FBXO15: variants seen among roughly 807,000 people sequenced by gnomAD.
FBXO15 encodes F-box only protein 15.
A neutral mutation model predicts 49.5 loss-of-function variants in FBXO15; 30 were observed. The ratio of observed to expected loss-of-function variants is 0.61; its 90% CI spans 0.45 to 0.82. The LOEUF (loss-of-function observed/expected upper bound fraction) is 0.82, where lower values mean the gene tolerates loss of function less well. FBXO15 is among the 40% of genes least tolerant of loss of function. The pLI, the probability that FBXO15 is intolerant of heterozygous loss-of-function variation, is 0.00. For synonymous variants in FBXO15, 250 were observed against 232.7 expected (o/e 1.07, Z -0.68); for missense variants, 591 against 631.5 (o/e 0.94, Z 0.69).
intron 2 of FBXO15, among the ~76,000 whole-genome samples, chr18:74,139,808 A>C (rs1334107634): frequency 6.6e-6 from 1 of 152,232 alleles, no homozygotes; most frequent in Non-Finnish European, 1.5e-5. Context: ...CACAGCACAG[A>C]ATCTTGCCAT....
chr18:74,146,370 A>T (rs1257467890), intron 1 of FBXO15, among the ~76,000 whole-genome samples: 1 of 152,212 alleles, frequency 6.6e-6, no homozygotes, highest in African/African-American at 2.4e-5. Flanking sequence ...TACATTTCCA[A>T]ATCAGCTTGA....
At chr18:74,106,252 A>C (rs1913759443) in intron 8 of FBXO15, among the ~76,000 whole-genome samples, 1 of 152,148 alleles carries the variant, frequency 6.6e-6, no homozygotes, top group Non-Finnish European at 1.5e-5. Flanking sequence ...TTTATTCAAG[A>C]GTAGAACTTA....
intron 5 of FBXO15, among the ~76,000 whole-genome samples, chr18:74,128,908 A>C (rs1213425820): frequency 6.6e-6 from 1 of 152,226 alleles, no homozygotes; most frequent in African/African-American, 2.4e-5. Flanking sequence ...ATACTATGCC[A>C]GTATAACGAT....
rs375081838 is a variant in FBXO15 at position 74,129,634 on chromosome 18, C to A, written c.576-20G>T. On this transcript the variant is annotated intron_variant, in intron 4 of 9. Transcript: ENST00000419743. ...AATATTCTGGAGAAAGAAAAAAAAA[C>A]TAACAATGTTTGCCTCATTGAAAAA... The A allele has an allele frequency of 1.3e-6, 2 of 1,562,196 alleles. No homozygotes were observed. Among genetic ancestry groups the A allele is most frequent in the Non-Finnish European group, 1.7e-6 (2 of 1,145,986 alleles).
intron 8 of FBXO15, among the ~76,000 whole-genome samples, chr18:74,110,164 C>CAT (rs61486308): frequency 0.25 from 32,470 of 129,346 alleles, 4,025 homozygotes; most frequent in Middle Eastern, 0.41. Context: ...CATATGTGTG[C>CAT]ATATATATAT....
At chr18:74,147,514 G>C (rs971954869) in intron 1 of FBXO15, 156 bp downstream of exon 1, 1 of 1,255,084 alleles carries the variant, frequency 8.0e-7, no homozygotes, top group Non-Finnish European at 1.0e-6. Flanking sequence ...AGGGTAGAAA[G>C]GATTTCCTCC....
intron 8 of FBXO15, among the ~76,000 whole-genome samples, chr18:74,106,856 A>G (rs1913790434): frequency 6.6e-6 from 1 of 152,194 alleles, no homozygotes; most frequent in Non-Finnish European, 1.5e-5. Context: ...CAACATTAGG[A>G]GAATGGGTCA....
At position 74,147,813 on chromosome 18, in the gene FBXO15, C is replaced by A; in HGVS notation, c.-28G>T. 6.7e-7 allele frequency: 1 copy of A among 1,492,134 alleles called. No homozygotes were observed. The highest frequency in any genetic ancestry group is 1.3e-5 in the South Asian group (1 of 79,048). The allele number at this position is 1,492,134 out of a possible 1,614,324, so 92.4% of individuals were successfully genotyped here. ...AGACAAGGAGTTCACCACAGGACCG[C>A]GCCAGGGCTGAAACGAAGAGTGCAC... On this transcript the variant is annotated 5_prime_UTR_variant, in exon 1 of 10. Coordinates refer to ENST00000419743, the MANE Select transcript of FBXO15 (RefSeq NM_001142958.2).
At chr18:74,106,539 G>A (rs1465835182) in intron 8 of FBXO15, among the ~76,000 whole-genome samples, 1 of 152,072 alleles carries the variant, frequency 6.6e-6, no homozygotes, top group East Asian at 1.9e-4. Flanking sequence ...CATAAGGTAG[G>A]TACTAATGTT....
At chr18:74,091,302 G>A (rs758499490) in intron 8 of FBXO15, among the ~76,000 whole-genome samples, 4 of 152,126 alleles carry the variant, frequency 2.6e-5, no homozygotes, top group Non-Finnish European at 4.4e-5. Context: ...ATGTGAGATG[G>A]GTGTCCCGAA....
At chr18:74,123,218 G>T (rs1283267247) in intron 8 of FBXO15, 150 bp downstream of exon 8, 16 of 801,926 alleles carry the variant, frequency 2.0e-5, no homozygotes, top group Non-Finnish European at 2.4e-5. Context: ...ACTTTCACAA[G>T]CCCTGGGATG....
chr18:74,087,316 A>G (rs12456306), intron 8 of FBXO15, among the ~76,000 whole-genome samples: 16,550 of 152,162 alleles, frequency 0.11, 1,154 homozygotes, highest in East Asian at 0.16. Context: ...AGGGGTTTGT[A>G]GAGATTATTT....
intron 6 of FBXO15, 96 bp downstream of exon 6, chr18:74,125,879 T>G: frequency 1.3e-6 from 2 of 1,507,576 alleles, no homozygotes; most frequent in Admixed American, 3.8e-5. Flanking sequence ...AGTGAAAAGC[T>G]TAAAGGATTT....
intron 7 of FBXO15, 76 bp downstream of exon 7, chr18:74,124,413 T>G (rs964237239): frequency 1.7e-6 from 2 of 1,188,440 alleles, no homozygotes; most frequent in Non-Finnish European, 2.5e-6. Flanking sequence ...ATTCTCAGGA[T>G]ATTAAGATGG....
chr18:74,138,170 C>T (rs1209016737), intron 2 of FBXO15, among the ~76,000 whole-genome samples: 3 of 152,112 alleles, frequency 2.0e-5, no homozygotes, highest in African/African-American at 7.2e-5. Flanking sequence ...TTTCTAGGCT[C>T]CCTCGCACTG....
intron 8 of FBXO15, among the ~76,000 whole-genome samples, chr18:74,104,137 GGTAATTAAAGTAT>G: frequency 6.6e-6 from 1 of 151,890 alleles, no homozygotes; most frequent in East Asian, 1.9e-4. Flanking sequence ...GGTGAGGAGT[GGTAATTAAAGTAT>G]GTAATTTTTT....
intron 7 of FBXO15, among the ~76,000 whole-genome samples, chr18:74,123,743 C>A (rs572397870): frequency 6.6e-6 from 1 of 152,168 alleles, no homozygotes; most frequent in East Asian, 1.9e-4. Context: ...AGGCAGCCAC[C>A]GCCCAGCACG....
At chr18:74,108,956 A>G (rs1175062212) in intron 8 of FBXO15, among the ~76,000 whole-genome samples, 2 of 152,164 alleles carry the variant, frequency 1.3e-5, no homozygotes, top group Non-Finnish European at 2.9e-5. Flanking sequence ...AGAATTCTCT[A>G]CCCTGCAAAA....
At chr18:74,120,951 A>G (rs945829292) in intron 8 of FBXO15, among the ~76,000 whole-genome samples, 15 of 152,200 alleles carry the variant, frequency 9.9e-5, no homozygotes, top group Non-Finnish European at 4.4e-5. Context: ...AAAGAAATAC[A>G]GAAATACATG....
Sources: allele counts gnomAD v4.1 joint callset (sites outside exome capture counted in the v4.1 genomes callset), GRCh38; gene constraint gnomAD v4.1.1; transcripts MANE v1.5; gene names NCBI Gene and HGNC (gene_info 2026-07-23, HGNC 2026-07-21).